Variants in KCNIP4 observed in about 807,000 individuals in gnomAD.
KCNIP4 encodes the protein Kv channel-interacting protein 4.
A neutral mutation model predicts 34.0 loss-of-function variants in KCNIP4; 12 were observed. The observed-to-expected ratio is 0.35, with a 90% CI of 0.23 to 0.57. KCNIP4 has a LOEUF of 0.57. KCNIP4 is among the 20% of genes least tolerant of loss of function. The pLI, the probability that KCNIP4 is intolerant of heterozygous loss-of-function variation, is 0.83. For synonymous variants in KCNIP4, 124 were observed against 102.2 expected (o/e 1.21, Z -1.29); for missense variants, 238 against 311.7 (o/e 0.76, Z 1.78).
intron 1 of KCNIP4, among the ~76,000 whole-genome samples, chr4:21,172,590 C>T (rs1754091317): frequency 6.6e-6 from 1 of 152,112 alleles, no homozygotes; most frequent in African/African-American, 2.4e-5. Context: ...GTTTTGATGT[C>T]CTCCAAGCAC....
intron 1 of KCNIP4, among the ~76,000 whole-genome samples, chr4:21,119,683 A>G (rs1469987065): frequency 2.0e-5 from 3 of 151,634 alleles, no homozygotes; most frequent in Non-Finnish European, 4.4e-5. Flanking sequence ...TGTTAAATTC[A>G]CTGTCCCTCT....
chr4:21,688,297 T>C (rs1246215539), intron 1 of KCNIP4, among the ~76,000 whole-genome samples: 2 of 152,170 alleles, frequency 1.3e-5, no homozygotes, highest in Non-Finnish European at 2.9e-5. Flanking sequence ...TGGAGCACTT[T>C]GGATTTCAGA....
At chr4:21,170,264 G>T (rs745775955) in intron 1 of KCNIP4, among the ~76,000 whole-genome samples, 1 of 152,026 alleles carries the variant, frequency 6.6e-6, no homozygotes, top group African/African-American at 2.4e-5. Flanking sequence ...AGCTATTTTT[G>T]CCAGGATAAA....
At chr4:20,982,838 T>C (rs566120625) in intron 1 of KCNIP4, among the ~76,000 whole-genome samples, 34 of 152,324 alleles carry the variant, frequency 2.2e-4, no homozygotes, top group African/African-American at 7.9e-4. Flanking sequence ...TCTCCCCACA[T>C]TAAACACAAT....
intron 1 of KCNIP4, chr4:20,984,094 G>C (rs1225485585): frequency 1.9e-6 from 2 of 1,031,282 alleles, no homozygotes; most frequent in East Asian, 5.4e-5. Context: ...GGTGAGGACA[G>C]ACCTGGGCTA....
At chr4:21,381,120 G>T (rs919163189) in intron 1 of KCNIP4, among the ~76,000 whole-genome samples, 2 of 152,178 alleles carry the variant, frequency 1.3e-5, no homozygotes, top group African/African-American at 4.8e-5. Context: ...GGGATGTTCT[G>T]TGCCTTCGTT....
intron 1 of KCNIP4, among the ~76,000 whole-genome samples, chr4:20,945,367 A>T (rs1732082950): frequency 6.6e-6 from 1 of 152,166 alleles, no homozygotes; most frequent in African/African-American, 2.4e-5. Context: ...CAGGACTCGA[A>T]TTCAGTTGTG....
At chr4:21,305,249 A>G (rs1560274118) in intron 1 of KCNIP4, among the ~76,000 whole-genome samples, 1 of 152,162 alleles carries the variant, frequency 6.6e-6, no homozygotes. Context: ...TTGGCTTTTG[A>G]GGCAGTGGAG....
At chr4:20,799,032 A>G (rs911025526) in intron 3 of KCNIP4, among the ~76,000 whole-genome samples, 1 of 152,194 alleles carries the variant, frequency 6.6e-6, no homozygotes, top group African/African-American at 2.4e-5. Context: ...GGTGAAACCC[A>G]TTGCACCACC....
intron 1 of KCNIP4, chr4:21,303,805 A>G (rs953951432): frequency 6.2e-7 from 1 of 1,612,842 alleles, no homozygotes; most frequent in East Asian, 2.2e-5. Context: ...GCACTCCCTT[A>G]CCTTCTAAAC....
intron 1 of KCNIP4, among the ~76,000 whole-genome samples, chr4:21,066,447 TTG>T (rs1744391579): frequency 6.6e-6 from 1 of 152,152 alleles, no homozygotes; most frequent in Non-Finnish European, 1.5e-5. Context: ...TCACATCATA[TTG>T]AGGAAAGAGG....
chr4:21,212,469 T>A (rs1757284902), intron 1 of KCNIP4, among the ~76,000 whole-genome samples: 1 of 152,216 alleles, frequency 6.6e-6, no homozygotes, highest in Non-Finnish European at 1.5e-5. Context: ...TTATTCATTA[T>A]CAAGAGGGCT....
rs568748409 is a variant in KCNIP4, at chr4:20,744,757, TAAA to T, written c.429+4902_429+4904del. Among the ~76,000 whole-genome samples the T allele has an allele frequency of 6.2e-3, 950 of 152,082 alleles. 4 individuals carry two copies. The highest frequency in any genetic ancestry group is 0.01 in the Admixed American group (153 of 15,260). On this transcript the variant is annotated intron_variant, in intron 5 of 8. Coordinates refer to ENST00000382152, the MANE Select transcript of KCNIP4 (RefSeq NM_025221.6). ...CATTTTGCACATGTACCCTAGAACT[TAAA>T]GAATAATAATAATAAAAATATAAAA...
In KCNIP4 at chr4:21,324,510, T is replaced by G. The variant is rs77458616; in HGVS notation, c.62-441801A>C. Among the ~76,000 whole-genome samples, 1,048 of 152,170 alleles carry G rather than the reference T, an allele frequency of 6.9e-3. 5 individuals carry two copies. The highest frequency in any genetic ancestry group is 0.011 in the Non-Finnish European group (724 of 67,910). ...CACCATTTATGGAAAAGGCTCTCCT[T>G]TCATCAATGTATGTTCTTGGCCCCT... On this transcript the variant is annotated intron_variant, in intron 1 of 8. Transcript: ENST00000382152.
chr4:21,056,996 T>G lies in KCNIP4; in HGVS notation c.62-174287A>C, dbSNP rs560782967. 5.9e-5 allele frequency among the ~76,000 whole-genome samples: 9 copies of G among 152,276 alleles called. No individual in the cohort carries two copies. The East Asian group carries it at 1.7e-3, about 29-fold the overall frequency. ...TTTATTGTTTGGTTACTTATTCTCA[T>G]TTGCAATAAGTTATAACATATTAAC... On this transcript the variant is annotated intron_variant, in intron 1 of 8. Coordinates refer to ENST00000382152, the MANE Select transcript of KCNIP4 (RefSeq NM_025221.6).
intron 1 of KCNIP4, among the ~76,000 whole-genome samples, chr4:21,570,295 T>A (rs895211187): frequency 6.6e-6 from 1 of 152,076 alleles, no homozygotes; most frequent in Non-Finnish European, 1.5e-5. Flanking sequence ...GAGGTTTTAA[T>A]GTAAAGAAAC....
At chr4:20,977,982 A>G (rs1303126993) in intron 1 of KCNIP4, among the ~76,000 whole-genome samples, 1 of 152,184 alleles carries the variant, frequency 6.6e-6, no homozygotes, top group Non-Finnish European at 1.5e-5. Flanking sequence ...GCAGTAAAAC[A>G]CCTGACTATC....
At chr4:20,790,694 A>T (rs997659746) in intron 3 of KCNIP4, among the ~76,000 whole-genome samples, 1 of 152,118 alleles carries the variant, frequency 6.6e-6, no homozygotes, top group Non-Finnish European at 1.5e-5. Context: ...AAGACCTTCT[A>T]GGGAAATAAC....
At chr4:21,407,232 C>A (rs533559278) in intron 1 of KCNIP4, among the ~76,000 whole-genome samples, 6 of 151,784 alleles carry the variant, frequency 4.0e-5, no homozygotes, top group Non-Finnish European at 7.4e-5. Flanking sequence ...AGAGAACTTT[C>A]CCCCACAGAG....
Sources: gnomAD v4.1 joint callset for allele counts (sites outside exome capture counted in the v4.1 genomes callset) on GRCh38, gnomAD v4.1.1 for gene constraint, MANE v1.5 for transcripts, NCBI Gene and HGNC (gene_info 2026-07-23, HGNC 2026-07-21) for gene names.